The following AUTS2 variants were observed in gnomAD, a reference collection of about 807,000 sequenced individuals.
AUTS2 encodes the protein autism susceptibility gene 2 protein.
A neutral mutation model predicts 112.4 loss-of-function variants in AUTS2; 17 were observed. The ratio of observed to expected loss-of-function variants is 0.15; its 90% CI spans 0.10 to 0.23. The LOEUF (loss-of-function observed/expected upper bound fraction) is 0.23, where lower values mean the gene tolerates loss of function less well. Ranked by LOEUF, AUTS2 falls within the 10% of genes least tolerant of loss-of-function variation. The probability of loss-of-function intolerance (pLI) is 1.00; values close to 1 mark genes in which losing one functional copy is unlikely to be tolerated. For missense variants in AUTS2, 1,510 were observed against 1,701.6 expected (o/e 0.89, Z 1.98); for synonymous variants, 751 against 702.7 (o/e 1.07, Z -1.09).
intron 2 of AUTS2, among the ~76,000 whole-genome samples, chr7:69,972,305 A>C (rs1797880732): frequency 6.6e-6 from 1 of 152,154 alleles, no homozygotes; most frequent in Non-Finnish European, 1.5e-5. Context: ...TGGATTTAAA[A>C]ATTTTTACTG....
intron 4 of AUTS2, among the ~76,000 whole-genome samples, chr7:70,267,118 T>C (rs1213249991): frequency 6.6e-6 from 1 of 152,236 alleles, no homozygotes; most frequent in Non-Finnish European, 1.5e-5. Context: ...CTGATTGGTT[T>C]GGTTATAGAC....
At chr7:70,557,085 T>G (rs557064418) in intron 5 of AUTS2, among the ~76,000 whole-genome samples, 84 of 152,342 alleles carry the variant, frequency 5.5e-4, no homozygotes, top group African/African-American at 1.9e-3. Context: ...TTATTTGCCT[T>G]TAAATTCTCA....
chr7:70,398,907 G>T (rs1161959579), intron 4 of AUTS2, among the ~76,000 whole-genome samples: 1 of 151,742 alleles, frequency 6.6e-6, no homozygotes, highest in African/African-American at 2.4e-5. Context: ...ATTTTATCAG[G>T]AATGAATGTT....
chr7:70,348,365 A>C (rs1791591213), intron 4 of AUTS2, among the ~76,000 whole-genome samples: 2 of 152,230 alleles, frequency 1.3e-5, no homozygotes, highest in African/African-American at 4.8e-5. Flanking sequence ...TTAAGAAAAA[A>C]TAAAAGAAAC....
intron 4 of AUTS2, among the ~76,000 whole-genome samples, chr7:70,207,941 G>T (rs566037010): frequency 4.8e-5 from 7 of 147,264 alleles, no homozygotes; most frequent in Non-Finnish European, 1.0e-4. Flanking sequence ...AACCCAGGAG[G>T]CAGAGGTTGT....
At chr7:70,472,254 A>G (rs535615402) in intron 5 of AUTS2, among the ~76,000 whole-genome samples, 5 of 152,266 alleles carry the variant, frequency 3.3e-5, no homozygotes, top group African/African-American at 1.2e-4. Context: ...GGACCGAGTT[A>G]CGATTTATAT....
chr7:69,890,712 G>A lies in AUTS2; in HGVS notation c.310-8574G>A, dbSNP rs1161526900. 4.7e-5 allele frequency among the ~76,000 whole-genome samples: 7 copies of A among 148,074 alleles called. No homozygotes were observed. The East Asian group carries it at 1.2e-3, about 26-fold the overall frequency. ...AAAAATGAAAAAAAAAAAAAAATAC[G>A]AACTCTACCTTGTCACTGAAAATGA... On this transcript the variant is annotated intron_variant, in intron 1 of 18. Coordinates refer to ENST00000342771, the MANE Select transcript of AUTS2 (RefSeq NM_015570.4).
chr7:70,300,336 G>C (rs1422420516), intron 4 of AUTS2, among the ~76,000 whole-genome samples: 1 of 152,094 alleles, frequency 6.6e-6, no homozygotes, highest in East Asian at 1.9e-4. Context: ...AGCCACGTGC[G>C]GGCTGCGGGT....
intron 1 of AUTS2, among the ~76,000 whole-genome samples, chr7:69,890,106 A>G (rs1180725753): frequency 6.6e-6 from 1 of 152,112 alleles, no homozygotes; most frequent in Non-Finnish European, 1.5e-5. Flanking sequence ...GGAATCCTTC[A>G]GGGCTGAGAG....
intron 1 of AUTS2, among the ~76,000 whole-genome samples, chr7:69,785,199 G>A (rs1789314264): frequency 6.6e-6 from 1 of 152,152 alleles, no homozygotes; most frequent in South Asian, 2.1e-4. Flanking sequence ...TGGAATGCTA[G>A]CATGCATAGG....
intron 1 of AUTS2, among the ~76,000 whole-genome samples, chr7:69,739,508 A>C (rs1787173853): frequency 6.6e-6 from 1 of 152,134 alleles, no homozygotes; most frequent in Non-Finnish European, 1.5e-5. Context: ...TACCCTGGGG[A>C]CAAACAGGAT....
intron 5 of AUTS2, among the ~76,000 whole-genome samples, chr7:70,457,835 A>G (rs1422152836): frequency 6.6e-6 from 1 of 152,194 alleles, no homozygotes; most frequent in Non-Finnish European, 1.5e-5. Context: ...AAGGCCCTTC[A>G]GAATCTTCTG....
intron 5 of AUTS2, among the ~76,000 whole-genome samples, chr7:70,510,930 C>T (rs1324892283): frequency 1.3e-5 from 2 of 152,030 alleles, no homozygotes; most frequent in African/African-American, 2.4e-5. Flanking sequence ...CTCACTGCAA[C>T]CTCCACCTCC....
intron 4 of AUTS2, among the ~76,000 whole-genome samples, chr7:70,269,277 G>A (rs1041340709): frequency 1.3e-5 from 2 of 152,156 alleles, no homozygotes; most frequent in Non-Finnish European, 2.9e-5. Flanking sequence ...TTTTTGCCAT[G>A]ATGCCTTGCT....
intron 4 of AUTS2, among the ~76,000 whole-genome samples, chr7:70,393,686 C>G (rs1793964578): frequency 6.6e-6 from 1 of 152,148 alleles, no homozygotes; most frequent in South Asian, 2.1e-4. Context: ...CCACCCATGC[C>G]AAAGCATGCA....
At chr7:70,408,118 C>T (rs1794620050) in intron 4 of AUTS2, among the ~76,000 whole-genome samples, 1 of 149,444 alleles carries the variant, frequency 6.7e-6, no homozygotes, top group Non-Finnish European at 1.5e-5. Context: ...GGTGTTGAGG[C>T]TACAGTGAAT....
intron 1 of AUTS2, among the ~76,000 whole-genome samples, chr7:69,693,166 TTTCAGCATC>T (rs1480270348): frequency 6.6e-6 from 1 of 152,200 alleles, no homozygotes; most frequent in Admixed American, 6.5e-5. Flanking sequence ...TGAGCCTCAG[TTTCAGCATC>T]TGTACAGTGA....
chr7:70,128,747 C>T lies in AUTS2; in HGVS notation c.625-5789C>T, dbSNP rs182964100. Among the ~76,000 whole-genome samples the T allele has an allele frequency of 9.2e-5, 14 of 152,320 alleles. No individual in the cohort carries two copies. In the East Asian group the frequency reaches 2.7e-3, roughly 29 times the overall value. Reference sequence around the variant, plus strand: ...TGACCACAAACTGTATGGCTGGAAACAACAGAAATCTATTATCTCACAGTT... The same window carrying T: ...TGACCACAAACTGTATGGCTGGAAATAACAGAAATCTATTATCTCACAGTT... On this transcript the variant is annotated intron_variant, in intron 3 of 18. Transcript: ENST00000342771.
chr7:69,632,058 T>C (rs1228748297), intron 1 of AUTS2, among the ~76,000 whole-genome samples: 2 of 152,218 alleles, frequency 1.3e-5, no homozygotes, highest in African/African-American at 4.8e-5. Context: ...TTAAATGTTA[T>C]CAAATAGGTT....
Sources: allele counts gnomAD v4.1 joint callset (sites outside exome capture counted in the v4.1 genomes callset), GRCh38; gene constraint gnomAD v4.1.1; transcripts MANE v1.5; gene names NCBI Gene and HGNC (gene_info 2026-07-23, HGNC 2026-07-21).